The following HS6ST2 variants were observed in gnomAD, a reference collection of about 807,000 sequenced individuals.
HS6ST2 encodes the protein heparan-sulfate 6-O-sulfotransferase 2.
A neutral mutation model predicts 33.0 loss-of-function variants in HS6ST2; 17 were observed. The observed-to-expected ratio is 0.52, with a 90% CI of 0.35 to 0.77. HS6ST2 has a LOEUF of 0.77. Ranked by LOEUF, HS6ST2 falls within the 30% of genes least tolerant of loss-of-function variation. The pLI is 0.01. For missense variants in HS6ST2, 519 were observed against 551.7 expected (o/e 0.94, Z 0.59); for synonymous variants, 248 against 237.1 (o/e 1.05, Z -0.42).
chrX:132,691,138 G>A (rs1300120303), intron 3 of HS6ST2, among the ~76,000 whole-genome samples: 3 of 111,975 alleles, frequency 2.7e-5, no homozygotes, highest in Non-Finnish European at 5.6e-5. Context: ...CAGCTGGATT[G>A]TAGACCCGAT....
At chrX:132,757,025 G>A (rs977294992) in intron 2 of HS6ST2, among the ~76,000 whole-genome samples, 2 of 111,437 alleles carry the variant, frequency 1.8e-5, no homozygotes, top group African/African-American at 6.5e-5. Flanking sequence ...CTCAGAAAAC[G>A]TAAAGCCCTG....
At chrX:132,890,391 T>C (rs1462380087) in intron 2 of HS6ST2, among the ~76,000 whole-genome samples, 1 of 105,576 alleles carries the variant, frequency 9.5e-6, no homozygotes, top group African/African-American at 3.4e-5. Flanking sequence ...ATGCATTAGG[T>C]TGGTGCATAA....
chrX:132,812,352 C>T (rs758253141), intron 2 of HS6ST2, among the ~76,000 whole-genome samples: 33 of 105,214 alleles, frequency 3.1e-4, no homozygotes, highest in South Asian at 8.7e-4. Context: ...TTGCAGTGAG[C>T]CGAGATTGCA....
At chrX:132,650,166 C>T (rs758260548) in intron 4 of HS6ST2, among the ~76,000 whole-genome samples, 355 of 111,668 alleles carry the variant, frequency 3.2e-3, no homozygotes, top group Middle Eastern at 9.3e-3. Context: ...TGAACAGCGT[C>T]CCCTAAGAGA....
At chrX:132,953,524 A>G (rs941506569) in intron 2 of HS6ST2, among the ~76,000 whole-genome samples, 3 of 111,813 alleles carry the variant, frequency 2.7e-5, no homozygotes. Flanking sequence ...TGCAGCCACA[A>G]TAGCCTCTGA....
intron 2 of HS6ST2, among the ~76,000 whole-genome samples, chrX:132,953,321 T>C (rs986091589): frequency 2.7e-5 from 3 of 111,244 alleles, no homozygotes; most frequent in African/African-American, 9.9e-5. Flanking sequence ...TTTAAAGAAA[T>C]ATTATTCTTA....
At chrX:132,706,701 T>C (rs1282587689) in intron 3 of HS6ST2, among the ~76,000 whole-genome samples, 1 of 112,407 alleles carries the variant, frequency 8.9e-6, no homozygotes, top group African/African-American at 3.2e-5. Flanking sequence ...CAAGTACTTA[T>C]GCAAATTGTT....
intron 2 of HS6ST2, among the ~76,000 whole-genome samples, chrX:132,796,234 C>T (rs781166667): frequency 8.0e-5 from 9 of 112,227 alleles, no homozygotes; most frequent in African/African-American, 2.9e-4. Flanking sequence ...AGACTGATTG[C>T]CTATGGATCT....
intron 2 of HS6ST2, among the ~76,000 whole-genome samples, chrX:132,781,116 A>G (rs2065013560): frequency 8.9e-6 from 1 of 112,328 alleles, no homozygotes; most frequent in East Asian, 2.8e-4. Flanking sequence ...ACCAAAAACT[A>G]GAAAGGATAA....
rs2066806166 is a variant in HS6ST2, at chrX:132,934,595, A to G, written c.947+22213T>C. Among the ~76,000 whole-genome samples the G allele has an allele frequency of 9.8e-5, 11 of 111,965 alleles. No homozygotes were observed. In the Admixed American group the frequency reaches 1.1e-3, roughly 11 times the overall value. ...TTAATATACATAGATTAAGCCCTAGAGAATACATTGAGAAAATAACAACAA... is the reference window on the plus strand; with the variant it reads ...TTAATATACATAGATTAAGCCCTAGGGAATACATTGAGAAAATAACAACAA... On this transcript the variant is annotated intron_variant, in intron 2 of 4. Coordinates refer to ENST00000370833, the MANE Select transcript of HS6ST2 (RefSeq NM_001394073.1).
chrX:132,820,369 C>T (rs763801426), intron 2 of HS6ST2, among the ~76,000 whole-genome samples: 1 of 111,694 alleles, frequency 9.0e-6, no homozygotes, highest in Non-Finnish European at 1.9e-5. Flanking sequence ...AGTTGGGCAT[C>T]GCCATAGGTC....
chrX:132,796,283 A>G (rs918343883), intron 2 of HS6ST2, among the ~76,000 whole-genome samples: 10 of 111,755 alleles, frequency 8.9e-5, no homozygotes, highest in Non-Finnish European at 1.5e-4. Flanking sequence ...TCCTTATGAA[A>G]GCTCGTTAAC....
chrX:132,874,685 T>C (rs1409464662), intron 2 of HS6ST2, among the ~76,000 whole-genome samples: 2 of 112,019 alleles, frequency 1.8e-5, no homozygotes, highest in East Asian at 5.6e-4. Context: ...TGCCAGATCA[T>C]AGTCAAACTC....
intron 2 of HS6ST2, among the ~76,000 whole-genome samples, chrX:132,946,261 C>T (rs2066954344): frequency 8.9e-6 from 1 of 111,858 alleles, no homozygotes; most frequent in Non-Finnish European, 1.9e-5. Context: ...ACCCAGCCAT[C>T]CCATTACTGG....
intron 2 of HS6ST2, chrX:132,808,670 A>T (rs2065310453): frequency 8.9e-6 from 1 of 112,381 alleles, no homozygotes; most frequent in Admixed American, 9.5e-5. Flanking sequence ...TCAGGTTCCC[A>T]AGGAAAAAGT....
intron 2 of HS6ST2, among the ~76,000 whole-genome samples, chrX:132,743,421 CA>C (rs1344043426): frequency 8.9e-6 from 1 of 111,781 alleles, no homozygotes; most frequent in African/African-American, 3.2e-5. Context: ...AAAACACAAC[CA>C]AAAAAAGGGG....
intron 2 of HS6ST2, among the ~76,000 whole-genome samples, chrX:132,867,392 T>C (rs1231389518): frequency 1.8e-5 from 2 of 110,347 alleles, no homozygotes; most frequent in Admixed American, 9.6e-5. Flanking sequence ...CAGTATTTTA[T>C]TGAGGATTTT....
chrX:132,808,427 G>A (rs1262395425), intron 2 of HS6ST2, among the ~76,000 whole-genome samples: 2 of 111,944 alleles, frequency 1.8e-5, no homozygotes, highest in Non-Finnish European at 3.8e-5. Context: ...CCAGCCCCAT[G>A]TGTCATGGGA....
chrX:132,663,057 T>C (rs2063785211), intron 4 of HS6ST2, among the ~76,000 whole-genome samples: 1 of 112,095 alleles, frequency 8.9e-6, no homozygotes, highest in Non-Finnish European at 1.9e-5. Flanking sequence ...ACTTAGTTTA[T>C]GACATTTAAT....
Sources: allele counts gnomAD v4.1 joint callset (sites outside exome capture counted in the v4.1 genomes callset), GRCh38; gene constraint gnomAD v4.1.1; transcripts MANE v1.5; gene names NCBI Gene and HGNC (gene_info 2026-07-23, HGNC 2026-07-21).